The following IFT74 variants were observed in gnomAD, a reference collection of about 807,000 sequenced individuals.
IFT74 encodes intraflagellar transport 74.
A neutral mutation model predicts 96.7 loss-of-function variants in IFT74; 92 were observed. The observed-to-expected ratio is 0.95, with a 90% confidence interval of 0.80 to 1.13. IFT74 has a LOEUF of 1.13. Among genes scored for constraint, IFT74 ranks in the 50% most tolerant of loss-of-function variants. The pLI is 0.00. For synonymous variants in IFT74, 223 were observed against 213.2 expected, an observed-to-expected ratio of 1.05 and a Z score of -0.40; for missense variants, 811 against 698.2, an observed-to-expected ratio of 1.16 and a Z score of -1.82.
intron 16 of IFT74, among the ~76,000 whole-genome samples, chr9:27,051,116 A>G (rs1344408760): frequency 6.6e-6 from 1 of 152,208 alleles, no homozygotes; most frequent in Non-Finnish European, 1.5e-5. Context: ...CATGGGAGTT[A>G]TGTAATCATA....
intron 6 of IFT74, 70 bp from the exon 7 acceptor site, chr9:26,988,596 ATAT>A (rs1827733196): frequency 7.8e-7 from 1 of 1,283,486 alleles, no homozygotes; most frequent in Non-Finnish European, 1.1e-6. Context: ...CTGAATACCT[ATAT>A]TATTAATTAT....
intron 10 of IFT74, among the ~76,000 whole-genome samples, chr9:27,013,754 T>G (rs1244825836): frequency 6.6e-6 from 1 of 152,214 alleles, no homozygotes; most frequent in Non-Finnish European, 1.5e-5. Flanking sequence ...TCTCAAATCT[T>G]GCCTCCCTTT....
At chr9:27,026,648 C>T (rs571212142) in intron 12 of IFT74, among the ~76,000 whole-genome samples, 1 of 152,160 alleles carries the variant, frequency 6.6e-6, no homozygotes, top group Non-Finnish European at 1.5e-5. Context: ...TGGAATAAAA[C>T]TGGAAATCAA....
In IFT74 at chr9:27,062,723, C is replaced by A; in HGVS notation, c.1790C>A (p.Thr597Asn). 6.4e-7 allele frequency: 1 copy of A among 1,573,690 alleles called. No homozygotes were observed. Among genetic ancestry groups the A allele is most frequent in the South Asian group, 1.1e-5 (1 of 87,980 alleles). The change falls in exon 20 of 20, where the codon ACC becomes AAC. Residue 597 changes from threonine to asparagine, a missense_variant. Thr to Asn is a moderately conservative substitution (Grantham distance 65, BLOSUM62 0). Coordinates refer to ENST00000380062, the MANE Select transcript of IFT74 (RefSeq NM_025103.4). ...NKTIVDALHS[T>N]SGN is the part of the protein sequence containing the mutation. The stretch of plus-strand genomic sequence containing the variant: ...ACCATCGTGGATGCTTTACATAGCA[C>A]CAGCGGAAACTGAGTTTAAGTCCAC...
At chr9:27,038,849 C>A (rs775389284) in intron 13 of IFT74, among the ~76,000 whole-genome samples, 2 of 152,134 alleles carry the variant, frequency 1.3e-5, no homozygotes, top group Non-Finnish European at 2.9e-5. Flanking sequence ...ACAAAGCCTC[C>A]GTGTCACCTG....
chr9:27,023,753 C>T (rs1471531794), intron 12 of IFT74, among the ~76,000 whole-genome samples: 1 of 152,132 alleles, frequency 6.6e-6, no homozygotes, highest in Non-Finnish European at 1.5e-5. Context: ...TGCCATCTCC[C>T]CCATTGAACA....
intron 8 of IFT74, among the ~76,000 whole-genome samples, chr9:26,991,900 G>A (rs541305285): frequency 1.3e-5 from 2 of 152,022 alleles, no homozygotes; most frequent in South Asian, 2.1e-4. Flanking sequence ...ATGGTGGCAC[G>A]GGCTTGTAGT....
At chr9:27,018,394 C>T (rs545155341) in intron 11 of IFT74, among the ~76,000 whole-genome samples, 4 of 152,260 alleles carry the variant, frequency 2.6e-5, no homozygotes, top group African/African-American at 9.6e-5. Flanking sequence ...ATGAGCTATC[C>T]TCATGGTGCC....
upstream of IFT74, among the ~76,000 whole-genome samples, chr9:26,951,923 C>A (rs578083086): frequency 6.1e-4 from 93 of 152,264 alleles, no homozygotes; most frequent in Middle Eastern, 0.014. Flanking sequence ...ATATGAACTT[C>A]ATCTTTAAGG....
intron 8 of IFT74, among the ~76,000 whole-genome samples, chr9:26,999,351 C>G (rs1019930132): frequency 2.6e-5 from 4 of 152,048 alleles, no homozygotes; most frequent in African/African-American, 9.7e-5. Flanking sequence ...ACATTTTAAA[C>G]AAGATTTTAC....
chr9:26,978,051 G>A (rs1827200039), intron 2 of IFT74, 77 bp from the exon 3 acceptor site: 2 of 1,309,560 alleles, frequency 1.5e-6, no homozygotes, highest in South Asian at 1.7e-5. Flanking sequence ...TTAAAAAATT[G>A]TCTTTGCAGT....
intron 13 of IFT74, chr9:27,036,780 A>C: frequency 8.8e-7 from 1 of 1,138,116 alleles, no homozygotes; most frequent in Non-Finnish European, 1.1e-6. Flanking sequence ...AAGAAAATAA[A>C]ATTCTTAGAT....
intron 2 of IFT74, among the ~76,000 whole-genome samples, chr9:26,972,072 A>G (rs971920177): frequency 1.3e-5 from 2 of 152,194 alleles, no homozygotes; most frequent in Non-Finnish European, 2.9e-5. Context: ...AGTTTCTCTT[A>G]AGTCTGGCCA....
At chr9:27,060,558 G>A in intron 18 of IFT74, 33 bp from the exon 19 acceptor site, 1 of 1,433,024 alleles carries the variant, frequency 7.0e-7, no homozygotes, top group Non-Finnish European at 9.7e-7. Context: ...TTAAATATGG[G>A]TCCTAATTAA....
At chr9:27,038,714 T>G (rs1477703429) in intron 13 of IFT74, among the ~76,000 whole-genome samples, 2 of 152,222 alleles carry the variant, frequency 1.3e-5, no homozygotes. Flanking sequence ...GCTGAAATTC[T>G]CTACAGGAGA....
At chr9:26,952,255 G>A (rs1368919498), upstream of IFT74, among the ~76,000 whole-genome samples, 3 of 150,706 alleles carry the variant, frequency 2.0e-5, no homozygotes, top group African/African-American at 7.3e-5. Context: ...TCCCCTCATT[G>A]AAAGTTTATT....
intron 12 of IFT74, among the ~76,000 whole-genome samples, chr9:27,023,254 C>T (rs1470578697): frequency 1.3e-5 from 2 of 152,116 alleles, no homozygotes; most frequent in African/African-American, 4.8e-5. Flanking sequence ...AGGGGGAATG[C>T]TTTCAACTTT....
chr9:27,011,610 G>C (rs1332121050), intron 9 of IFT74, among the ~76,000 whole-genome samples: 1 of 150,432 alleles, frequency 6.6e-6, no homozygotes, highest in Non-Finnish European at 1.5e-5. Flanking sequence ...GTGTGAAAAG[G>C]TCTAAGGTCT....
intron 2 of IFT74, chr9:26,976,832 G>T (rs905108892): frequency 2.2e-6 from 1 of 454,230 alleles, no homozygotes; most frequent in Non-Finnish European, 4.4e-6. Context: ...CCTTTCCTGA[G>T]GTCGTATAGT....
Sources: allele counts gnomAD v4.1 joint callset (sites outside exome capture counted in the v4.1 genomes callset), GRCh38; gene constraint gnomAD v4.1.1; transcripts MANE v1.5; gene names NCBI Gene and HGNC (gene_info 2026-07-23, HGNC 2026-07-21).